The following EMID1 variants were observed in gnomAD, a reference collection of about 807,000 sequenced individuals.
The protein encoded by EMID1 is EMI domain-containing protein 1.
A neutral mutation model predicts 60.6 loss-of-function variants in EMID1; 40 were observed. The observed-to-expected ratio is 0.66, with a 90% CI of 0.51 to 0.86. EMID1 has a LOEUF of 0.86. EMID1 is among the 40% of genes least tolerant of loss of function. The pLI, the probability that EMID1 is intolerant of heterozygous loss-of-function variation, is 0.00. For missense variants in EMID1, 585 were observed against 597.1 expected, an observed-to-expected ratio of 0.98 and a Z score of 0.21; for synonymous variants, 242 against 231.0, an observed-to-expected ratio of 1.05 and a Z score of -0.43.
chr22:29,242,090 G>T (rs2041174314), intron 12 of EMID1, among the ~76,000 whole-genome samples: 1 of 151,892 alleles, frequency 6.6e-6, no homozygotes, highest in Non-Finnish European at 1.5e-5. Flanking sequence ...TTTTTGTTTG[G>T]TTTTTGTTTT....
intron 3 of EMID1, among the ~76,000 whole-genome samples, chr22:29,222,665 A>G (rs1281426074): frequency 6.6e-6 from 1 of 151,822 alleles, no homozygotes; most frequent in Non-Finnish European, 1.5e-5. Context: ...CGGCTTCCCA[A>G]AGTGCTGGGA....
chr22:29,254,102 C>T, intron 13 of EMID1, 101 bp from the exon 14 acceptor site: 5 of 1,587,030 alleles, frequency 3.2e-6, no homozygotes, highest in African/African-American at 1.3e-5. Flanking sequence ...TAGTGTGGGG[C>T]TGCAGGTGCA....
At chr22:29,216,255 G>T in intron 3 of EMID1, 1 of 973,480 alleles carries the variant, frequency 1.0e-6, no homozygotes, top group Non-Finnish European at 1.2e-6. Context: ...GGGGCACAGA[G>T]GAGGCAGCCT....
At chr22:29,256,030 A>C (rs1362961063) in intron 14 of EMID1, among the ~76,000 whole-genome samples, 1 of 152,022 alleles carries the variant, frequency 6.6e-6, no homozygotes, top group African/African-American at 2.4e-5. Context: ...ATGAAACTGG[A>C]GCCTGTGGCT....
At chr22:29,216,351 G>C in intron 3 of EMID1, 1 of 985,426 alleles carries the variant, frequency 1.0e-6, no homozygotes, top group Non-Finnish European at 1.2e-6. Context: ...AGCAGCCCAG[G>C]CCTCTCCCAT....
chr22:29,210,289 T>A (rs1322519801), intron 1 of EMID1, among the ~76,000 whole-genome samples: 4 of 149,532 alleles, frequency 2.7e-5, no homozygotes, highest in Non-Finnish European at 3.0e-5. Flanking sequence ...GTTTTGCTCC[T>A]GTTGCCCAGG....
intron 13 of EMID1, among the ~76,000 whole-genome samples, chr22:29,243,731 C>G (rs1351067909): frequency 6.6e-6 from 1 of 152,238 alleles, no homozygotes; most frequent in Non-Finnish European, 1.5e-5. Flanking sequence ...CAGTCTCTGT[C>G]CCTGTCTCCA....
At chr22:29,236,535 A>C (rs1423574641) in intron 12 of EMID1, among the ~76,000 whole-genome samples, 1 of 151,932 alleles carries the variant, frequency 6.6e-6, no homozygotes, top group African/African-American at 2.4e-5. Context: ...TACTAAAAAC[A>C]CAAAAATTAG....
intron 3 of EMID1, among the ~76,000 whole-genome samples, chr22:29,223,106 T>C (rs1036643445): frequency 1.3e-5 from 2 of 151,976 alleles, no homozygotes; most frequent in Non-Finnish European, 2.9e-5. Flanking sequence ...AAAAAGAAGT[T>C]TTATACATGA....
intron 3 of EMID1, among the ~76,000 whole-genome samples, chr22:29,219,527 C>T (rs2040213981): frequency 6.6e-6 from 1 of 152,198 alleles, no homozygotes; most frequent in African/African-American, 2.4e-5. Flanking sequence ...CACCTGTAAT[C>T]CAAGCACTTT....
rs1336260663 is a variant in EMID1, at chr22:29,234,179, C to A, written c.1009C>A (p.Pro337Thr). Residue 337 changes from proline to threonine, a missense_variant, in exon 11 of 15, where the codon CCA becomes ACA. By Grantham distance (38) the Pro-to-Thr change is conservative. Coordinates refer to ENST00000334018, the MANE Select transcript of EMID1 (RefSeq NM_133455.4). ...PTGPKGISGH[P>T]GEKGERGLRG... ...TGGACCCAAAGGAATCTCTGGCCACCCAGGAGAGAAGGGCGAGAGAGTGAG... is the reference window on the plus strand; with the variant it reads ...TGGACCCAAAGGAATCTCTGGCCACACAGGAGAGAAGGGCGAGAGAGTGAG... The A allele has an allele frequency of 7.5e-6, 12 of 1,603,670 alleles. No homozygotes were observed. The highest frequency in any genetic ancestry group is 8.5e-6 in the Non-Finnish European group (10 of 1,174,924).
chr22:29,250,560 T>TC (rs1464098304), intron 13 of EMID1, among the ~76,000 whole-genome samples: 2 of 92,524 alleles, frequency 2.2e-5, no homozygotes, highest in East Asian at 5.1e-4. Context: ...TTTTATTTTA[T>TC]CTTTTTTTTT....
At chr22:29,221,066 C>CGTGTGTGTGTGT (rs59651061) in intron 3 of EMID1, among the ~76,000 whole-genome samples, 10 of 100,066 alleles carry the variant, frequency 1.0e-4, no homozygotes, top group African/African-American at 3.4e-4. Context: ...GGGGTGGGAA[C>CGTGTGTGTGTGT]GTGTGTGTGT....
Position 29,258,815 on chromosome 22 carries a change from A to C in EMID1, c.1205-2A>C, listed in dbSNP as rs1242674058. The C allele has an allele frequency of 6.2e-7, 1 of 1,612,924 alleles. No individual in the cohort carries two copies. Among genetic ancestry groups the C allele is most frequent in the Non-Finnish European group, 8.5e-7 (1 of 1,179,590 alleles). On this transcript the variant is annotated splice_acceptor_variant, in intron 14 of 14. Transcript: ENST00000334018. LOFTEE classifies it high-confidence loss of function. Reference sequence around the variant, plus strand: ...GGCCTCTCTCCTTCTTCCCTCCGGCAGAACCAGAGCTGGGGTCTGGGGCGG... The same window carrying C: ...GGCCTCTCTCCTTCTTCCCTCCGGCCGAACCAGAGCTGGGGTCTGGGGCGG...
rs2041015654 is a variant in EMID1, at chr22:29,237,962, T to TA, written c.1074+3615dup. ...AAGTGCTCCGCTGAAGAACTTCTTT[T>TA]AATGTTTCCTACAAGGCAGATCTAC... On this transcript the variant is annotated intron_variant, in intron 12 of 14. Transcript: ENST00000334018. Among the ~76,000 whole-genome samples, 5 of 144,684 alleles carry TA rather than the reference T, an allele frequency of 3.5e-5. 2 individuals carry two copies. The highest frequency in any genetic ancestry group is 1.4e-4 in the African/African-American group (5 of 36,640). The allele number at this position is 144,684 out of a possible 152,430, so 94.9% of individuals were successfully genotyped here. A position where few individuals can be genotyped will look rare whatever the true frequency, so the allele number is the denominator to read the frequency against.
rs983395982 is a variant in EMID1 at position 29,206,015 on chromosome 22, C to T, written c.-24C>T. ...TGGGGGCGGCGACCGCGAGGGGCCG[C>T]GCGCGGAGGGCGCCTGGTGCAGCAT... On this transcript the variant is annotated 5_prime_UTR_variant, in exon 1 of 15. Transcript: ENST00000334018. The T allele has an allele frequency of 9.9e-6, 12 of 1,206,572 alleles. No individual in the cohort carries two copies. Among genetic ancestry groups the T allele is most frequent in the Non-Finnish European group, 1.2e-5 (12 of 971,308 alleles). 74.7% of individuals were successfully genotyped at this position (1,206,572 alleles called of 1,614,324 possible).
At chr22:29,225,255 G>A (rs1418515927) in intron 4 of EMID1, 39 bp downstream of exon 4, 2 of 1,606,586 alleles carry the variant, frequency 1.2e-6, no homozygotes, top group East Asian at 2.2e-5. Context: ...CCCCTGGGCT[G>A]AGGGAGCCCT....
At chr22:29,255,543 G>A (rs535129455) in intron 14 of EMID1, 15 of 476,596 alleles carry the variant, frequency 3.1e-5, no homozygotes, top group Admixed American at 1.0e-4. Context: ...GAGTGAATGC[G>A]CACCTGCTCT....
At chr22:29,254,089 A>G in intron 13 of EMID1, 114 bp from the exon 14 acceptor site, 1 of 1,574,430 alleles carries the variant, frequency 6.4e-7, no homozygotes. Context: ...GGGCTGTGGC[A>G]GGTAGTGTGG....
Sources: allele counts gnomAD v4.1 joint callset (sites outside exome capture counted in the v4.1 genomes callset), GRCh38; gene constraint gnomAD v4.1.1; transcripts MANE v1.5; gene names NCBI Gene and HGNC (gene_info 2026-07-23, HGNC 2026-07-21).